DEK: variants seen among roughly 807,000 people sequenced by gnomAD.
DEK encodes the protein protein DEK.
DEK carries 28 observed loss-of-function variants against 46.8 expected under a neutral mutation model. The observed-to-expected ratio is 0.60, with a 90% confidence interval of 0.44 to 0.82. DEK has a LOEUF of 0.82. Among genes scored for constraint, DEK ranks in the 40% least tolerant of loss-of-function variants. The pLI, the probability that DEK is intolerant of heterozygous loss-of-function variation, is 0.00. For missense variants in DEK, 416 were observed against 430.6 expected (o/e 0.97, Z 0.30); for synonymous variants, 160 against 144.5 (o/e 1.11, Z -0.77).
chr6:18,256,321 G>T, intron 5 of DEK, 40 bp downstream of exon 5: 1 of 1,513,164 alleles, frequency 6.6e-7, no homozygotes, highest in Non-Finnish European at 9.1e-7. Flanking sequence ...TAAACTTAAA[G>T]CATATTGATC....
At chr6:18,244,483 A>G in intron 7 of DEK, 8 of 1,257,514 alleles carry the variant, frequency 6.4e-6, no homozygotes, top group Non-Finnish European at 8.3e-6. Flanking sequence ...GAAGGCAAAA[A>G]AAATCTTGGG....
intron 7 of DEK, 152 bp downstream of exon 7, chr6:18,249,499 A>G (rs781641206): frequency 2.8e-5 from 33 of 1,185,734 alleles, no homozygotes; most frequent in Non-Finnish European, 3.4e-5. Context: ...AAGCTCTTTA[A>G]GGAAAAGAAA....
chr6:18,240,350 T>C (rs1315837775), intron 7 of DEK, among the ~76,000 whole-genome samples: 3 of 152,214 alleles, frequency 2.0e-5, no homozygotes, highest in Non-Finnish European at 4.4e-5. Context: ...GCAAATATAC[T>C]GCACAAGCAC....
At chr6:18,236,329 A>G (rs1460568877) in intron 9 of DEK, 123 bp downstream of exon 9, 1 of 1,019,768 alleles carries the variant, frequency 9.8e-7, no homozygotes. Context: ...GATCTGGCAT[A>G]TAGTAGTTCA....
intron 7 of DEK, among the ~76,000 whole-genome samples, chr6:18,240,057 T>G (rs771099665): frequency 2.0e-5 from 3 of 152,190 alleles, no homozygotes; most frequent in Non-Finnish European, 1.5e-5. Flanking sequence ...AAATCAGAAT[T>G]AGATAACTAA....
intron 9 of DEK, among the ~76,000 whole-genome samples, chr6:18,233,815 A>G (rs1247038285): frequency 6.6e-6 from 1 of 152,194 alleles, no homozygotes; most frequent in South Asian, 2.1e-4. Context: ...AGAACCAGAA[A>G]TACCATTTGA....
intron 2 of DEK, among the ~76,000 whole-genome samples, chr6:18,262,969 C>T (rs1010386113): frequency 6.6e-6 from 1 of 152,108 alleles, no homozygotes. Flanking sequence ...GCTTCAACCT[C>T]TTCCCAAGTG....
intron 7 of DEK, among the ~76,000 whole-genome samples, chr6:18,246,579 A>AT (rs1189618286): frequency 6.6e-6 from 1 of 152,242 alleles, no homozygotes; most frequent in Admixed American, 6.5e-5. Context: ...AACTATATGG[A>AT]TTTCAGTGAT....
intron 7 of DEK, among the ~76,000 whole-genome samples, chr6:18,246,319 T>C (rs559705001): frequency 3.0e-3 from 464 of 152,338 alleles, no homozygotes; most frequent in Non-Finnish European, 5.4e-3. Flanking sequence ...GACAAGCTAA[T>C]AAGGAAATTC....
At chr6:18,230,325 G>A (rs1388375452) in intron 9 of DEK, among the ~76,000 whole-genome samples, 6 of 152,052 alleles carry the variant, frequency 3.9e-5, no homozygotes, top group East Asian at 1.9e-4. Flanking sequence ...ATCAACTAAC[G>A]AGCAAAATAA....
chr6:18,261,758 G>T (rs1209512909), intron 2 of DEK, among the ~76,000 whole-genome samples: 1 of 152,168 alleles, frequency 6.6e-6, no homozygotes, highest in African/African-American at 2.4e-5. Context: ...AGGCTCATAG[G>T]TGGAAGAAAC....
chr6:18,264,096 G>T, intron 1 of DEK, 100 bp from the exon 2 acceptor site: 2 of 1,142,934 alleles, frequency 1.7e-6, no homozygotes, highest in Non-Finnish European at 2.4e-6. Flanking sequence ...CGGGACACCT[G>T]CCCTGAAAGT....
chr6:18,250,558 G>A (rs1219720691), intron 6 of DEK, among the ~76,000 whole-genome samples: 2 of 146,258 alleles, frequency 1.4e-5, no homozygotes, highest in African/African-American at 5.0e-5. Context: ...CGAAGGAATG[G>A]GAGAAAAACC....
intron 9 of DEK, among the ~76,000 whole-genome samples, chr6:18,235,431 A>G (rs1271405938): frequency 6.6e-6 from 1 of 152,222 alleles, no homozygotes; most frequent in East Asian, 1.9e-4. Flanking sequence ...GTGATGCTCC[A>G]CTAGGAAATT....
Position 18,229,573 on chromosome 6 carries a change from TGATGCATGCACAAGCTTCAGTA to T in DEK, c.1048-3353_1048-3332del, listed in dbSNP as rs1487998947. Among the ~76,000 whole-genome samples, 14 of 152,230 alleles carry T rather than the reference TGATGCATGCACAAGCTTCAGTA, an allele frequency of 9.2e-5. No individual in the cohort carries two copies. In the South Asian group the frequency reaches 2.5e-3, roughly 27 times the overall value. On this transcript the variant is annotated intron_variant, in intron 9 of 10. Coordinates refer to ENST00000652689, the MANE Select transcript of DEK (RefSeq NM_003472.4). ...TGAAAACCATGGCACGAGAACTACG[TGATGCATGCACAAGCTTCAGTA>T]GCCGATTCGATCAACTGGAAGAAAG... is the stretch of plus-strand genomic sequence containing the variant.
chr6:18,230,682 C>A (rs2151077689), intron 9 of DEK, among the ~76,000 whole-genome samples: 1 of 152,284 alleles, frequency 6.6e-6, no homozygotes, highest in African/African-American at 2.4e-5. Context: ...AGCTAACTAT[C>A]CTAAATATAT....
At chr6:18,263,514 A>G (rs1452976249) in intron 2 of DEK, among the ~76,000 whole-genome samples, 2 of 151,846 alleles carry the variant, frequency 1.3e-5, no homozygotes, top group Non-Finnish European at 2.9e-5. Flanking sequence ...GTGCACACAC[A>G]CAGGTAAAAA....
intron 9 of DEK, among the ~76,000 whole-genome samples, chr6:18,232,364 G>A (rs927230823): frequency 1.3e-5 from 2 of 152,150 alleles, no homozygotes; most frequent in Admixed American, 6.5e-5. Context: ...TCTGGCCAGG[G>A]CAATCAGGCA....
At chr6:18,244,686 C>A in intron 7 of DEK, 1 of 607,216 alleles carries the variant, frequency 1.6e-6, no homozygotes, top group Non-Finnish European at 2.5e-6. Flanking sequence ...CTCAGAATGC[C>A]AAGAGGAAAG....
Sources: allele counts gnomAD v4.1 joint callset (sites outside exome capture counted in the v4.1 genomes callset), GRCh38; gene constraint gnomAD v4.1.1; transcripts MANE v1.5; gene names NCBI Gene and HGNC (gene_info 2026-07-23, HGNC 2026-07-21).